Variants in NPL observed in about 807,000 individuals in gnomAD.
The protein encoded by NPL is N-acetylneuraminate pyruvate lyase.
A neutral mutation model predicts 41.1 loss-of-function variants in NPL; 32 were observed. That is an observed-to-expected ratio of 0.78 (90% confidence interval 0.59 to 1.05). The LOEUF (loss-of-function observed/expected upper bound fraction) is 1.05, where lower values mean the gene tolerates loss of function less well. NPL is among the 50% of genes least tolerant of loss of function. The probability of loss-of-function intolerance (pLI) is 0.00; values close to 1 mark genes in which losing one functional copy is unlikely to be tolerated. For missense variants in NPL, 321 were observed against 378.4 expected, an observed-to-expected ratio of 0.85 and a Z score of 1.26; for synonymous variants, 128 against 134.9, an observed-to-expected ratio of 0.95 and a Z score of 0.35.
At chr1:182,806,566 C>A in intron 5 of NPL, 2 of 1,532,558 alleles carry the variant, frequency 1.3e-6, no homozygotes, top group South Asian at 2.4e-5. Context: ...CTCTGCTGGT[C>A]ACTTGGCTCT....
chr1:182,791,578 C>G (rs997981008), intron 1 of NPL, among the ~76,000 whole-genome samples: 9 of 152,208 alleles, frequency 5.9e-5, no homozygotes, highest in Non-Finnish European at 1.0e-4. Flanking sequence ...TTCCTAACCC[C>G]TATCCTACAC....
chr1:182,790,625 G>A (rs1302584958), intron 1 of NPL, among the ~76,000 whole-genome samples: 2 of 130,940 alleles, frequency 1.5e-5, no homozygotes, highest in East Asian at 2.0e-4. Context: ...TGTTGTTGTT[G>A]TTGTTGTTGT....
intron 5 of NPL, among the ~76,000 whole-genome samples, chr1:182,810,652 C>T (rs1165836550): frequency 6.6e-6 from 1 of 151,926 alleles, no homozygotes; most frequent in African/African-American, 2.4e-5. Flanking sequence ...AGTTTTGCAG[C>T]ATTAAAAGGC....
At position 182,828,883 on chromosome 1, in the gene NPL, A is replaced by T. The variant is rs985726748; in HGVS notation, c.938A>T (p.Asp313Val). 19 of 1,614,222 alleles carry T rather than the reference A, an allele frequency of 1.2e-5. No homozygotes were observed. The highest frequency in any genetic ancestry group is 1.5e-5 in the Non-Finnish European group (18 of 1,180,030). ...LDFLSFTDLK[D>V]GNLEAGS ...TTCCTTTCTTTCACTGATTTAAAGG[A>T]TGGAAACTTGGAAGCTGGTAGCTAG... Residue 313 changes from aspartate (D) to valine (V), a missense_variant, in exon 13 of 13, where the codon GAT becomes GTT. Coordinates refer to ENST00000367553, the MANE Select transcript of NPL (RefSeq NM_030769.3). The surrounding 1 kb of genome is among the most constrained non-coding windows in gnomAD (Gnocchi z 4.0).
intron 11 of NPL, among the ~76,000 whole-genome samples, 157 bp from the exon 12 acceptor site, chr1:182,825,624 C>T (rs900048511): frequency 5.9e-5 from 9 of 152,190 alleles, no homozygotes; most frequent in African/African-American, 2.2e-4. Context: ...GGATGGATCC[C>T]AGCCATCTTC....
chr1:182,789,992 G>A (rs888880370), intron 1 of NPL, among the ~76,000 whole-genome samples, 187 bp downstream of exon 1: 4 of 152,256 alleles, frequency 2.6e-5, no homozygotes, highest in Non-Finnish European at 4.4e-5. Flanking sequence ...TGCGAAAAGT[G>A]TAGGGACAGA....
chr1:182,815,569 G>T (rs1667303710), intron 7 of NPL, among the ~76,000 whole-genome samples: 1 of 152,084 alleles, frequency 6.6e-6, no homozygotes, highest in Admixed American at 6.5e-5. Context: ...TATAAATTGC[G>T]AGTTTAAAAT....
At chr1:182,790,173 T>C (rs933454125) in intron 1 of NPL, among the ~76,000 whole-genome samples, 1 of 152,212 alleles carries the variant, frequency 6.6e-6, no homozygotes, top group African/African-American at 2.4e-5. Context: ...TCTGCTTTTT[T>C]AAAAATCCCT....
intron 2 of NPL, among the ~76,000 whole-genome samples, chr1:182,793,730 G>A (rs1666579519): frequency 6.6e-6 from 1 of 152,214 alleles, no homozygotes; most frequent in Non-Finnish European, 1.5e-5. Context: ...TGTTTTAGGT[G>A]AGATTCTAAG....
chr1:182,829,480 A>C lies in NPL; in HGVS notation c.*572A>C. ...CGATGTCACCACTTTTCGCTCTTTAAAAACACTGGGTCAGGTGAGGACTTG... is the reference window on the plus strand; with the variant it reads ...CGATGTCACCACTTTTCGCTCTTTACAAACACTGGGTCAGGTGAGGACTTG... On this transcript the variant is annotated 3_prime_UTR_variant, in exon 13 of 13. Transcript: ENST00000367553. 6.8e-7 allele frequency: 1 copy of C among 1,467,716 alleles called. No homozygotes were observed. Among genetic ancestry groups the C allele is most frequent in the South Asian group, 1.4e-5 (1 of 69,834 alleles). The allele number at this position is 1,467,716 out of a possible 1,614,324, so 90.9% of individuals were successfully genotyped here.
intron 3 of NPL, among the ~76,000 whole-genome samples, chr1:182,794,646 A>T (rs756302537): frequency 3.9e-5 from 6 of 152,208 alleles, no homozygotes; most frequent in Non-Finnish European, 8.8e-5. Context: ...GAGAAGCACT[A>T]TATCACCTTG....
chr1:182,807,722 A>G (rs1667059427), intron 5 of NPL, among the ~76,000 whole-genome samples: 2 of 121,462 alleles, frequency 1.6e-5, no homozygotes, highest in South Asian at 4.7e-4. Context: ...TAAAAATACA[A>G]AAAAAAAAAA....
chr1:182,812,577 G>C (rs577597706), intron 6 of NPL, among the ~76,000 whole-genome samples: 3 of 152,196 alleles, frequency 2.0e-5, no homozygotes, highest in Non-Finnish European at 4.4e-5. Context: ...GTAAAGGCTT[G>C]AAGAATGGCA....
At chr1:182,795,470 C>A (rs975917168) in intron 3 of NPL, among the ~76,000 whole-genome samples, 3 of 152,140 alleles carry the variant, frequency 2.0e-5, no homozygotes, top group Admixed American at 6.5e-5. Flanking sequence ...TTTTGGTCTT[C>A]TGTTGCTGAA....
chr1:182,809,033 G>A lies in NPL; in HGVS notation c.230+2801G>A, dbSNP rs527416861. On this transcript the variant is annotated intron_variant, in intron 5 of 12. Coordinates refer to ENST00000367553, the MANE Select transcript of NPL (RefSeq NM_030769.3). ...TCTTGGATAGGGGGATTTGGCTAGG[G>A]GTTTGACATACAGATGTTCCTCCAC... Among the ~76,000 whole-genome samples, 4 of 151,590 alleles carry A rather than the reference G, an allele frequency of 2.6e-5. No homozygotes were observed. In the East Asian group the frequency reaches 7.8e-4, roughly 29 times the overall value.
At position 182,806,074 on chromosome 1, in the gene NPL, C is replaced by T. The variant is rs1666998663; in HGVS notation, c.143-71C>T. On this transcript the variant is annotated intron_variant, in intron 4 of 12. Coordinates refer to ENST00000367553, the MANE Select transcript of NPL (RefSeq NM_030769.3). ...CTCAGTGCAGTGGTTTCTGACCCTG[C>T]ACTTTCAGACTCGGGGTTGGAGAAG... The T allele has an allele frequency of 1.9e-6, 3 of 1,585,314 alleles. No individual in the cohort carries two copies. In the South Asian group the frequency reaches 3.4e-5, roughly 18 times the overall value.
intron 3 of NPL, 108 bp from the exon 4 acceptor site, chr1:182,803,590 G>T: frequency 1.3e-6 from 1 of 766,914 alleles, no homozygotes; most frequent in Non-Finnish European, 2.3e-6. Flanking sequence ...CAAATTGAGT[G>T]GATTTTTAAT....
chr1:182,795,211 G>A (rs763383202), intron 3 of NPL, among the ~76,000 whole-genome samples: 70 of 152,286 alleles, frequency 4.6e-4, no homozygotes, highest in Admixed American at 7.2e-4. Context: ...TTTTTGACCT[G>A]TCAGAGGAGT....
chr1:182,818,616 A>T lies in NPL; in HGVS notation c.533A>T (p.Asp178Val). 6.2e-7 allele frequency: 1 copy of T among 1,614,194 alleles called. No individual in the cohort carries two copies. Among genetic ancestry groups the T allele is most frequent in the Non-Finnish European group, 8.5e-7 (1 of 1,180,040 alleles). Residue 178 changes from aspartate (D) to valine (V), a missense_variant, in exon 9 of 13, where the codon GAT (aspartate) becomes GTT (valine). By Grantham distance (152) the Asp-to-Val change is radical. Transcript: ENST00000367553. ...CAAGGGCTGAAATTCAGTGATACAG[A>T]TCTCTTAGACTTCGGGCAATGTGTT... ...TFQGLKFSDT[D>V]LLDFGQCVDQ...
Sources: gnomAD v4.1 joint callset for allele counts (sites outside exome capture counted in the v4.1 genomes callset) on GRCh38, gnomAD v4.1.1 for gene constraint, Gnocchi (gnomAD v3.1) non-coding constraint, MANE v1.5 for transcripts, NCBI Gene and HGNC (gene_info 2026-07-23, HGNC 2026-07-21) for gene names.